Variants in CNTN4 observed in about 807,000 individuals in gnomAD.
The protein encoded by CNTN4 is contactin 4.
In CNTN4, 77 loss-of-function variants were observed where a neutral mutation model predicts 122.5. The observed-to-expected ratio is 0.63, with a 90% CI of 0.52 to 0.76. CNTN4 has a LOEUF of 0.76. Among genes scored for constraint, CNTN4 ranks in the 30% least tolerant of loss-of-function variants. CNTN4 has a pLI of 0.00. For missense variants in CNTN4, 1,256 were observed against 1,259.1 expected (o/e 1.00, Z 0.04); for synonymous variants, 512 against 447.0 (o/e 1.15, Z -1.83).
chr3:2,456,456 C>A (rs939390312), intron 3 of CNTN4, among the ~76,000 whole-genome samples: 1 of 152,066 alleles, frequency 6.6e-6, no homozygotes, highest in Middle Eastern at 3.2e-3. Flanking sequence ...CTCTATTAGT[C>A]CTAAAATATT....
chr3:2,549,234 C>G (rs573239257), intron 3 of CNTN4, among the ~76,000 whole-genome samples: 3 of 152,164 alleles, frequency 2.0e-5, no homozygotes, highest in Admixed American at 6.5e-5. Context: ...CTTCCAATAC[C>G]ATGTTGAATA....
In CNTN4 at chr3:2,112,430, A is replaced by G. The variant is rs186449105; in HGVS notation, c.-145+11791A>G. ...CTTTGAATTTTAAAACTTAGCAAGC[A>G]TAACAATAATGACTGGTGTATTATT... On this transcript the variant is annotated intron_variant, in intron 2 of 24. Transcript: ENST00000418658. 3.6e-4 allele frequency among the ~76,000 whole-genome samples: 55 copies of G among 152,330 alleles called. 2 individuals are homozygous for G. The East Asian group carries it at 5.4e-3, about 15-fold the overall frequency.
At chr3:2,120,318 A>G (rs1293678519) in intron 2 of CNTN4, among the ~76,000 whole-genome samples, 1 of 142,448 alleles carries the variant, frequency 7.0e-6, no homozygotes, top group African/African-American at 2.7e-5. Context: ...TGTAACTTCC[A>G]TATTATTTAA....
chr3:2,600,923 G>A (rs543232086), intron 4 of CNTN4, among the ~76,000 whole-genome samples: 1 of 152,114 alleles, frequency 6.6e-6, no homozygotes, highest in Admixed American at 6.6e-5. Flanking sequence ...TCTCATTGTG[G>A]TTTTGATTTG....
chr3:2,476,949 G>A (rs762849618), intron 3 of CNTN4, among the ~76,000 whole-genome samples: 1 of 152,080 alleles, frequency 6.6e-6, no homozygotes, highest in Non-Finnish European at 1.5e-5. Context: ...AACTTCATCA[G>A]GATTTTAGCT....
At chr3:2,505,972 A>G (rs1439018524) in intron 3 of CNTN4, among the ~76,000 whole-genome samples, 8 of 152,162 alleles carry the variant, frequency 5.3e-5, no homozygotes, top group Admixed American at 3.9e-4. Flanking sequence ...ACTCCATAAA[A>G]TATATATAAG....
At chr3:2,480,152 C>G (rs563402773) in intron 3 of CNTN4, among the ~76,000 whole-genome samples, 2 of 151,968 alleles carry the variant, frequency 1.3e-5, no homozygotes, top group Admixed American at 6.6e-5. Context: ...AAAAACCCTA[C>G]AGTTAACATC....
chr3:2,555,038 C>A (rs180809383), intron 3 of CNTN4, among the ~76,000 whole-genome samples: 56 of 152,240 alleles, frequency 3.7e-4, no homozygotes, highest in Non-Finnish European at 2.1e-4. Context: ...AACTCAGTTC[C>A]CCAGAACACA....
chr3:2,966,648 GA>G (rs1272688315), intron 13 of CNTN4, among the ~76,000 whole-genome samples: 2 of 152,080 alleles, frequency 1.3e-5, no homozygotes, highest in African/African-American at 4.8e-5. Flanking sequence ...CTAATACAAA[GA>G]AATGATAAAT....
intron 3 of CNTN4, among the ~76,000 whole-genome samples, chr3:2,541,890 T>G (rs1412132907): frequency 2.0e-5 from 3 of 152,094 alleles, no homozygotes; most frequent in Non-Finnish European, 4.4e-5. Flanking sequence ...CCACTGACCT[T>G]GGCAACTCTA....
At chr3:2,176,911 A>C (rs920783850) in intron 2 of CNTN4, among the ~76,000 whole-genome samples, 1 of 152,192 alleles carries the variant, frequency 6.6e-6, no homozygotes, top group African/African-American at 2.4e-5. Context: ...CTTTCCTGTC[A>C]AATGGAAGTC....
intron 3 of CNTN4, among the ~76,000 whole-genome samples, chr3:2,515,375 C>T (rs2077010676): frequency 6.6e-6 from 1 of 152,006 alleles, no homozygotes; most frequent in African/African-American, 2.4e-5. Context: ...AACAAGTGCA[C>T]AAACAATAGC....
At chr3:2,100,928 G>C (rs2031895660) in intron 2 of CNTN4, among the ~76,000 whole-genome samples, 1 of 152,150 alleles carries the variant, frequency 6.6e-6, no homozygotes, top group Non-Finnish European at 1.5e-5. Context: ...TAAAGACTAA[G>C]AGTCTAAGAG....
At chr3:2,927,231 C>T (rs922701846) in intron 13 of CNTN4, 3 of 442,962 alleles carry the variant, frequency 6.8e-6, no homozygotes, top group African/African-American at 6.0e-5. Context: ...CTAAGCTATG[C>T]TACTGTAACA....
At chr3:2,326,519 C>CACACAT (rs1553624464) in intron 2 of CNTN4, among the ~76,000 whole-genome samples, 3,189 of 140,102 alleles carry the variant, frequency 0.023, 49 homozygotes, top group Non-Finnish European at 0.03. Flanking sequence ...CACACACACA[C>CACACAT]ACACACACAA....
chr3:2,533,620 G>A (rs924810516), intron 3 of CNTN4, among the ~76,000 whole-genome samples: 4 of 152,286 alleles, frequency 2.6e-5, no homozygotes, highest in Non-Finnish European at 2.9e-5. Flanking sequence ...CTTTATAGCA[G>A]CATGATTTAT....
chr3:2,362,367 T>C (rs1351051609), intron 3 of CNTN4: 1 of 318,532 alleles, frequency 3.1e-6, no homozygotes, highest in Non-Finnish European at 6.1e-6. Flanking sequence ...CTGGTGGGAA[T>C]GAAATGACCA....
intron 14 of CNTN4, among the ~76,000 whole-genome samples, chr3:2,997,027 A>G (rs1363634127): frequency 6.6e-6 from 1 of 152,214 alleles, no homozygotes; most frequent in South Asian, 2.1e-4. Flanking sequence ...CCATAGAGCT[A>G]TTCCTTTACT....
At chr3:3,005,431 A>C (rs933734433) in intron 14 of CNTN4, among the ~76,000 whole-genome samples, 1 of 152,212 alleles carries the variant, frequency 6.6e-6, no homozygotes, top group African/African-American at 2.4e-5. Context: ...TCTTCAGCTA[A>C]ATATCCAGTG....
Sources: allele counts gnomAD v4.1 joint callset (sites outside exome capture counted in the v4.1 genomes callset), GRCh38; gene constraint gnomAD v4.1.1; transcripts MANE v1.5; gene names NCBI Gene and HGNC (gene_info 2026-07-23, HGNC 2026-07-21).